TMEM117: variants seen among roughly 807,000 people sequenced by gnomAD.
TMEM117 encodes transmembrane protein 117.
In TMEM117, 27 loss-of-function variants were observed where a neutral mutation model predicts 52.4. The ratio of observed to expected loss-of-function variants is 0.51; its 90% CI spans 0.38 to 0.71. The LOEUF (loss-of-function observed/expected upper bound fraction) is 0.71, where lower values mean the gene tolerates loss of function less well. TMEM117 is among the 30% of genes least tolerant of loss of function. TMEM117 has a pLI of 0.00. For synonymous variants in TMEM117, 215 were observed against 206.3 expected (o/e 1.04, Z -0.36); for missense variants, 556 against 630.5 (o/e 0.88, Z 1.26).
chr12:44,278,490 T>G (rs1229567124), intron 5 of TMEM117, among the ~76,000 whole-genome samples: 2 of 152,236 alleles, frequency 1.3e-5, no homozygotes, highest in Non-Finnish European at 2.9e-5. Flanking sequence ...GTTCTTTATA[T>G]CATTGCTATT....
At chr12:44,390,550 T>G (rs80132884), downstream of TMEM117, among the ~76,000 whole-genome samples, 30 of 152,200 alleles carry the variant, frequency 2.0e-4, 1 homozygote, top group East Asian at 5.2e-3. Flanking sequence ...TGAGAAAATC[T>G]AATTAGCAGA....
At chr12:44,342,354 C>T (rs1381017731) in intron 6 of TMEM117, among the ~76,000 whole-genome samples, 1 of 152,166 alleles carries the variant, frequency 6.6e-6, no homozygotes. Context: ...TTCTGGGCAA[C>T]TGCTTAGAGA....
At chr12:44,294,809 A>G (rs1950746954) in intron 5 of TMEM117, among the ~76,000 whole-genome samples, 1 of 152,250 alleles carries the variant, frequency 6.6e-6, no homozygotes, top group African/African-American at 2.4e-5. Flanking sequence ...ATCCTGGACA[A>G]GAAAGAGCAG....
intron 5 of TMEM117, among the ~76,000 whole-genome samples, chr12:44,256,064 A>G (rs570209407): frequency 6.6e-6 from 1 of 152,092 alleles, no homozygotes; most frequent in South Asian, 2.1e-4. Flanking sequence ...TACTAAAAAC[A>G]CTAGTTAGGA....
Position 44,389,446 on chromosome 12 carries a change from C to G in TMEM117, c.*774C>G, listed in dbSNP as rs2138881113. 6.6e-6 allele frequency: 1 copy of G among 152,660 alleles called. No homozygotes were observed. The highest frequency in any genetic ancestry group is 2.1e-4 in the South Asian group (1 of 4,828). 9.5% of individuals were successfully genotyped at this position (152,660 alleles called of 1,614,324 possible). A position where few individuals can be genotyped will look rare whatever the true frequency, so the allele number is the denominator to read the frequency against. ...TAAGAGACACAGTTGGGCGAACTCT[C>G]AAATTTATTGGCATTTACACAAAGT... On this transcript the variant is annotated 3_prime_UTR_variant, in exon 8 of 8. Coordinates refer to ENST00000266534, the MANE Select transcript of TMEM117 (RefSeq NM_032256.3).
In TMEM117 at chr12:44,255,333, A is replaced by G. The variant is rs146376978; in HGVS notation, c.608+43946A>G. Among the ~76,000 whole-genome samples the G allele has an allele frequency of 5.2e-3, 796 of 152,242 alleles. 8 individuals are homozygous for G. Among genetic ancestry groups the G allele is most frequent in the African/African-American group, 0.018 (736 of 41,556 alleles). ...AAAAGTGGGCAAAGGATATGAACAG[A>G]CACTTCTCAAAAGAAGACATTTATG... On this transcript the variant is annotated intron_variant, in intron 5 of 7. Coordinates refer to ENST00000266534, the MANE Select transcript of TMEM117 (RefSeq NM_032256.3).
chr12:44,230,601 C>T (rs1483216153), intron 5 of TMEM117, among the ~76,000 whole-genome samples: 1 of 152,032 alleles, frequency 6.6e-6, no homozygotes, highest in African/African-American at 2.4e-5. Flanking sequence ...AAAGGCTCTT[C>T]TGTTCTTCAC....
chr12:43,898,565 T>C (rs1944252086), intron 2 of TMEM117, among the ~76,000 whole-genome samples: 1 of 152,056 alleles, frequency 6.6e-6, no homozygotes, highest in African/African-American at 2.4e-5. Flanking sequence ...TAATCCACTT[T>C]AGATATCTAG....
At chr12:44,316,465 G>A (rs558148129) in intron 6 of TMEM117, among the ~76,000 whole-genome samples, 1 of 152,202 alleles carries the variant, frequency 6.6e-6, no homozygotes, top group Admixed American at 6.5e-5. Context: ...AAATTGATGG[G>A]ATTCCATTTG....
At chr12:44,001,894 CT>C (rs1256842447) in intron 3 of TMEM117, among the ~76,000 whole-genome samples, 1 of 152,276 alleles carries the variant, frequency 6.6e-6, no homozygotes, top group East Asian at 1.9e-4. Context: ...AGGATTCTGC[CT>C]TTCCAGGGGA....
intron 2 of TMEM117, among the ~76,000 whole-genome samples, chr12:43,926,189 A>G (rs1289661098): frequency 6.6e-6 from 1 of 152,248 alleles, no homozygotes; most frequent in Admixed American, 6.5e-5. Flanking sequence ...CAAAATTGGC[A>G]GTGAAATTCT....
chr12:44,005,188 G>A (rs1275530754), intron 3 of TMEM117, among the ~76,000 whole-genome samples: 10 of 152,154 alleles, frequency 6.6e-5, no homozygotes, highest in Admixed American at 6.5e-4. Flanking sequence ...CGGATTCTTG[G>A]TAGAAAAAAT....
intron 4 of TMEM117, among the ~76,000 whole-genome samples, chr12:44,178,225 T>A (rs1466503842): frequency 3.3e-5 from 5 of 152,200 alleles, no homozygotes; most frequent in Admixed American, 6.5e-5. Context: ...CACATCAATT[T>A]ATTGACCCAT....
chr12:43,932,341 T>C (rs1355181242), intron 2 of TMEM117, among the ~76,000 whole-genome samples: 1 of 151,592 alleles, frequency 6.6e-6, no homozygotes, highest in Non-Finnish European at 1.5e-5. Context: ...AATAAGTTTT[T>C]TTTTTTTTTT....
At chr12:44,197,441 C>A (rs1020112408) in intron 4 of TMEM117, among the ~76,000 whole-genome samples, 1 of 152,106 alleles carries the variant, frequency 6.6e-6, no homozygotes, top group Non-Finnish European at 1.5e-5. Context: ...AAAATAAATG[C>A]TCAATCATAT....
At chr12:43,980,816 C>T (rs755427124) in intron 3 of TMEM117, among the ~76,000 whole-genome samples, 3 of 152,170 alleles carry the variant, frequency 2.0e-5, no homozygotes, top group Admixed American at 6.5e-5. Context: ...AGAGAGTTAG[C>T]AGCCCCCGAA....
At chr12:44,003,500 C>T (rs536778472) in intron 3 of TMEM117, among the ~76,000 whole-genome samples, 147 of 152,348 alleles carry the variant, frequency 9.6e-4, no homozygotes, top group African/African-American at 3.4e-3. Flanking sequence ...TTTCTCCGCT[C>T]AGCCCATCTT....
At chr12:44,260,595 G>A (rs1270529452) in intron 5 of TMEM117, among the ~76,000 whole-genome samples, 2 of 152,052 alleles carry the variant, frequency 1.3e-5, no homozygotes, top group African/African-American at 2.4e-5. Flanking sequence ...GTAATATAAG[G>A]GAAAATTGCT....
chr12:44,048,283 C>A (rs1398102497), intron 3 of TMEM117, among the ~76,000 whole-genome samples: 2 of 152,104 alleles, frequency 1.3e-5, no homozygotes, highest in Admixed American at 6.6e-5. Flanking sequence ...ATTTTACAAT[C>A]ATTTTCAAGA....
Sources: allele counts gnomAD v4.1 joint callset (sites outside exome capture counted in the v4.1 genomes callset), GRCh38; gene constraint gnomAD v4.1.1; transcripts MANE v1.5; gene names NCBI Gene and HGNC (gene_info 2026-07-23, HGNC 2026-07-21).